Variants in WNT7B observed in about 807,000 individuals in gnomAD.
The protein encoded by WNT7B is Wnt family member 7B.
A neutral mutation model predicts 38.2 loss-of-function variants in WNT7B; 19 were observed. The observed-to-expected ratio is 0.50, with a 90% CI of 0.35 to 0.73. The LOEUF is 0.73. Ranked by LOEUF, WNT7B falls within the 30% of genes least tolerant of loss-of-function variation. The pLI is 0.01. For synonymous variants in WNT7B, 243 were observed against 209.3 expected (o/e 1.16, Z -1.39); for missense variants, 423 against 507.9 (o/e 0.83, Z 1.61).
At chr22:45,950,279 T>A in intron 1 of WNT7B, 133 bp from the exon 2 acceptor site, 1 of 758,792 alleles carries the variant, frequency 1.3e-6, no homozygotes, top group Non-Finnish European at 2.2e-6. Flanking sequence ...CACAAGCAGA[T>A]CCCTGCCCTC....
At chr22:45,942,043 T>C (rs916387936) in intron 2 of WNT7B, among the ~76,000 whole-genome samples, 1 of 152,086 alleles carries the variant, frequency 6.6e-6, no homozygotes, top group African/African-American at 2.4e-5. Context: ...AGCCCCCATC[T>C]GCCCCCTACC....
chr22:45,976,924 G>A lies in WNT7B; in HGVS notation c.-170C>T, dbSNP rs1250871200. On this transcript the variant is annotated 5_prime_UTR_variant, in exon 1 of 4. Transcript: ENST00000339464. This position sits in a 1 kb window ranked among gnomAD's most constrained non-coding sequence, Gnocchi z 8.5. Reference sequence around the variant, plus strand: ...TCGGCGCGCGCTGCCACCATGGTGAGCCCGGGATGCCGCCGCCGCCACCGC... The same window carrying A: ...TCGGCGCGCGCTGCCACCATGGTGAACCCGGGATGCCGCCGCCGCCACCGC... 4.0e-6 allele frequency: 4 copies of A among 990,748 alleles called. No individual in the cohort carries two copies. Among genetic ancestry groups the A allele is most frequent in the Non-Finnish European group, 3.6e-6 (3 of 834,004 alleles). 61.4% of individuals were successfully genotyped at this position (990,748 alleles called of 1,614,324 possible).
Position 45,956,930 on chromosome 22 carries a change from G to A in WNT7B, c.72-6784C>T, listed in dbSNP as rs558174004. ...AGACCATCCTGGCCAACACGGTGAA[G>A]CCCCATCTCTACTAAAAATACAAAA... is the stretch of plus-strand genomic sequence containing the variant. On this transcript the variant is annotated intron_variant, in intron 1 of 3. Transcript: ENST00000339464. 3.3e-4 allele frequency among the ~76,000 whole-genome samples: 50 copies of A among 152,068 alleles called. No homozygotes were observed. The South Asian group carries it at 8.7e-3, about 27-fold the overall frequency.
intron 1 of WNT7B, among the ~76,000 whole-genome samples, chr22:45,961,659 G>C (rs1352349307): frequency 6.6e-6 from 1 of 152,070 alleles, no homozygotes; most frequent in Non-Finnish European, 1.5e-5. Flanking sequence ...GGAGAGCAGA[G>C]GGCTGACACC....
intron 1 of WNT7B, among the ~76,000 whole-genome samples, chr22:45,959,700 G>A (rs781713562): frequency 1.2e-4 from 18 of 152,032 alleles, no homozygotes; most frequent in Admixed American, 9.8e-4. Context: ...GTGGACCCCC[G>A]CTCTCCCGCC....
chr22:45,975,014 G>A lies in WNT7B; in HGVS notation c.71+1670C>T, dbSNP rs569028829. On this transcript the variant is annotated intron_variant, in intron 1 of 3. Coordinates refer to ENST00000339464, the MANE Select transcript of WNT7B (RefSeq NM_058238.3). The surrounding 1 kb of genome is among the most constrained non-coding windows in gnomAD (Gnocchi z 6.6). ...CTCGTGGGAGGAAGGGCTGCTTTCC[G>A]ATGACTGAGGCAGAAGAATGGACGC... 1.5e-4 allele frequency among the ~76,000 whole-genome samples: 23 copies of A among 152,232 alleles called. No homozygotes were observed. The highest frequency in any genetic ancestry group is 2.6e-4 in the Non-Finnish European group (18 of 68,010).
intron 2 of WNT7B, among the ~76,000 whole-genome samples, chr22:45,942,970 T>C (rs1038420079): frequency 5.9e-4 from 89 of 149,682 alleles, no homozygotes; most frequent in East Asian, 1.9e-4. Context: ...CATGTGTGTG[T>C]GCGTGTGTGC....
At chr22:45,945,272 G>A (rs1198388754) in intron 2 of WNT7B, among the ~76,000 whole-genome samples, 1 of 152,064 alleles carries the variant, frequency 6.6e-6, no homozygotes, top group African/African-American at 2.4e-5. Flanking sequence ...TAGTAGAGAT[G>A]GGGCTTCACC....
chr22:45,948,024 C>A (rs1931836932), intron 2 of WNT7B, among the ~76,000 whole-genome samples: 1 of 152,230 alleles, frequency 6.6e-6, no homozygotes, highest in Non-Finnish European at 1.5e-5. Context: ...TCCAAGCTCC[C>A]AGCCCTCTGT....
Position 45,931,389 on chromosome 22 carries a change from CAGA to C in WNT7B, c.299-23_299-21del, listed in dbSNP as rs753871540. The C allele has an allele frequency of 1.7e-5, 27 of 1,568,178 alleles. No homozygotes were observed. Among genetic ancestry groups the C allele is most frequent in the Non-Finnish European group, 2.3e-5 (27 of 1,161,482 alleles). ...GGCTCCCTGCGGGGACAGACAGGTGCAGAAGGTGAGACCCCAGGCCCTGGGCCA... is the reference window on the plus strand; with the variant it reads ...GGCTCCCTGCGGGGACAGACAGGTGCAGGTGAGACCCCAGGCCCTGGGCCA... On this transcript the variant is annotated intron_variant, in intron 2 of 3. Transcript: ENST00000339464.
chr22:45,952,248 T>C (rs1302342307), intron 1 of WNT7B, among the ~76,000 whole-genome samples: 1 of 152,162 alleles, frequency 6.6e-6, no homozygotes, highest in Non-Finnish European at 1.5e-5. Context: ...AAGTCAGTGA[T>C]TTTCCAGGGC....
intron 3 of WNT7B, 26 bp from the exon 4 acceptor site, chr22:45,923,361 G>A: frequency 6.3e-7 from 1 of 1,575,156 alleles, no homozygotes; most frequent in Non-Finnish European, 8.6e-7. Flanking sequence ...AAGCTGCTCG[G>A]CACGGCATGG....
At chr22:45,972,116 G>GGGGGGGCCC in intron 1 of WNT7B, 3 of 530,744 alleles carry the variant, frequency 5.7e-6, no homozygotes, top group East Asian at 3.7e-5. Context: ...CCCGGGGGGA[G>GGGGGGGCCC]CCCACCCGCC....
intron 2 of WNT7B, among the ~76,000 whole-genome samples, chr22:45,944,519 C>T (rs1422725522): frequency 6.6e-6 from 1 of 152,256 alleles, no homozygotes; most frequent in Non-Finnish European, 1.5e-5. Context: ...GTTGTCCGTA[C>T]AGTCCTGGCT....
chr22:45,930,299 T>A (rs1041945365), intron 3 of WNT7B, among the ~76,000 whole-genome samples: 1 of 152,208 alleles, frequency 6.6e-6, no homozygotes, highest in Admixed American at 6.5e-5. Context: ...GCCCGAGGGA[T>A]TCTTCAGCTC....
chr22:45,961,912 G>C (rs1932205008), intron 1 of WNT7B, among the ~76,000 whole-genome samples: 1 of 152,218 alleles, frequency 6.6e-6, no homozygotes, highest in Non-Finnish European at 1.5e-5. Flanking sequence ...GAACTGGCCT[G>C]CTGGTGGGTG....
intron 1 of WNT7B, among the ~76,000 whole-genome samples, chr22:45,953,391 C>T (rs1052793368): frequency 2.6e-5 from 4 of 152,252 alleles, no homozygotes; most frequent in Admixed American, 6.5e-5. Context: ...CCCCAGCAGA[C>T]GGTCGGCCCC....
At chr22:45,926,155 G>A in intron 3 of WNT7B, 2 of 985,420 alleles carry the variant, frequency 2.0e-6, no homozygotes, top group Non-Finnish European at 2.4e-6. Flanking sequence ...GATCCCTTGG[G>A]TCAGAGCCTC....
chr22:45,946,660 G>A (rs1416390815), intron 2 of WNT7B, among the ~76,000 whole-genome samples: 1 of 152,148 alleles, frequency 6.6e-6, no homozygotes, highest in African/African-American at 2.4e-5. Context: ...GGCCTAGTGT[G>A]AGCCTTGACC....
Sources: gnomAD v4.1 joint callset for allele counts (sites outside exome capture counted in the v4.1 genomes callset) on GRCh38, gnomAD v4.1.1 for gene constraint, Gnocchi (gnomAD v3.1) non-coding constraint, MANE v1.5 for transcripts, NCBI Gene and HGNC (gene_info 2026-07-23, HGNC 2026-07-21) for gene names.